Variants in TMEM229B observed in about 807,000 individuals in gnomAD.
TMEM229B encodes the protein transmembrane protein 229B.
A neutral mutation model predicts 13.7 loss-of-function variants in TMEM229B; 6 were observed. The ratio of observed to expected loss-of-function variants is 0.44; its 90% confidence interval spans 0.24 to 0.86. The LOEUF is 0.86. Among genes scored for constraint, TMEM229B ranks in the 40% least tolerant of loss-of-function variants. The probability of loss-of-function intolerance (pLI) is 0.23; values close to 1 mark genes in which losing one functional copy is unlikely to be tolerated. For missense variants in TMEM229B, 170 were observed against 236.0 expected, an observed-to-expected ratio of 0.72 and a Z score of 1.83; for synonymous variants, 107 against 102.1, an observed-to-expected ratio of 1.05 and a Z score of -0.29.
At chr14:67,492,429 T>G (rs2032206259), upstream of TMEM229B, among the ~76,000 whole-genome samples, 2 of 152,162 alleles carry the variant, frequency 1.3e-5, no homozygotes, top group South Asian at 4.1e-4. Flanking sequence ...CAGCAAGCCT[T>G]CTCCTGTCAG....
At chr14:67,506,578 T>C (rs2032834094) in intron 1 of TMEM229B, among the ~76,000 whole-genome samples, 1 of 151,962 alleles carries the variant, frequency 6.6e-6, no homozygotes, top group Non-Finnish European at 1.5e-5. Context: ...GTAAGACAGG[T>C]AGGGATGGAA....
chr14:67,479,750 T>C (rs1714022453), intron 2 of TMEM229B, among the ~76,000 whole-genome samples: 1 of 152,176 alleles, frequency 6.6e-6, no homozygotes, highest in South Asian at 2.1e-4. Context: ...GTGGAATGAA[T>C]ATGTATTCAC....
At chr14:67,488,927 G>T (rs1026989108), upstream of TMEM229B, among the ~76,000 whole-genome samples, 1 of 152,148 alleles carries the variant, frequency 6.6e-6, no homozygotes, top group Non-Finnish European at 1.5e-5. Context: ...AAACTTAGTT[G>T]CAGGGAGGAT....
chr14:67,474,351 G>T (rs1409652320), intron 2 of TMEM229B, among the ~76,000 whole-genome samples: 1 of 152,100 alleles, frequency 6.6e-6, no homozygotes, highest in Middle Eastern at 3.2e-3. Context: ...TTAGAGGGAG[G>T]TGTCTGTACT....
intron 1 of TMEM229B, among the ~76,000 whole-genome samples, chr14:67,508,265 A>C (rs1221382441): frequency 1.3e-5 from 2 of 151,048 alleles, no homozygotes; most frequent in Non-Finnish European, 3.0e-5. Flanking sequence ...TTCCCTCCCA[A>C]CTCTGACTTC....
chr14:67,516,826 G>A (rs1427607759), upstream of TMEM229B, among the ~76,000 whole-genome samples: 3 of 152,182 alleles, frequency 2.0e-5, no homozygotes, highest in Non-Finnish European at 4.4e-5. Flanking sequence ...TTCTGATTGG[G>A]GCAGAGGGAG....
intron 1 of TMEM229B, 21 bp downstream of exon 1, chr14:67,488,487 T>G (rs943357194): frequency 2.0e-5 from 3 of 152,266 alleles, no homozygotes; most frequent in Non-Finnish European, 2.9e-5. Flanking sequence ...CCTCCAACCC[T>G]CCCTGATCTG....
chr14:67,508,767 A>AAAAAAAAAAAAAAAAAAAAAAAAAAG (rs1260678496), intron 1 of TMEM229B, among the ~76,000 whole-genome samples: 2 of 150,882 alleles, frequency 1.3e-5, no homozygotes, highest in Non-Finnish European at 3.0e-5. Context: ...AAAAAAAAAA[A>AAAAAAAAAAAAAAAAAAAAAAAAAAG]AAAACAGAAG....
intron 1 of TMEM229B, among the ~76,000 whole-genome samples, chr14:67,506,562 G>A (rs117495677): frequency 0.013 from 2,046 of 152,332 alleles, 24 homozygotes; most frequent in Middle Eastern, 0.037. Flanking sequence ...AAGAGGTGAG[G>A]AAAATGTAAG....
At chr14:67,517,434 A>G (rs1294652139), upstream of TMEM229B, among the ~76,000 whole-genome samples, 1 of 152,260 alleles carries the variant, frequency 6.6e-6, no homozygotes, top group African/African-American at 2.4e-5. Flanking sequence ...GCAAAAATGT[A>G]TGAATTTCTT....
intron 1 of TMEM229B, among the ~76,000 whole-genome samples, chr14:67,508,962 T>C (rs563364999): frequency 6.6e-6 from 1 of 152,096 alleles, no homozygotes; most frequent in African/African-American, 2.4e-5. Context: ...TGAATTATAA[T>C]GATGGGCAGG....
chr14:67,507,218 G>GGGGCGCA (rs2032860300), intron 1 of TMEM229B, among the ~76,000 whole-genome samples: 1 of 151,998 alleles, frequency 6.6e-6, no homozygotes, highest in African/African-American at 2.4e-5. Context: ...AATATAGGTG[G>GGGGCGCA]TGCAACTACA....
At chr14:67,475,852 GCCACC>G (rs1394242153) in intron 2 of TMEM229B, among the ~76,000 whole-genome samples, 1 of 152,204 alleles carries the variant, frequency 6.6e-6, no homozygotes, top group Non-Finnish European at 1.5e-5. Context: ...ATTATCAGGT[GCCACC>G]CCAATGGCTT....
At chr14:67,479,257 T>C (rs2031426768) in intron 2 of TMEM229B, among the ~76,000 whole-genome samples, 1 of 150,746 alleles carries the variant, frequency 6.6e-6, no homozygotes. Flanking sequence ...AGTACAAAAA[T>C]TAGCTGGGCG....
intron 2 of TMEM229B, among the ~76,000 whole-genome samples, chr14:67,485,813 G>A (rs1169955887): frequency 2.6e-5 from 4 of 152,222 alleles, no homozygotes; most frequent in Non-Finnish European, 4.4e-5. Flanking sequence ...ACCCTACCTC[G>A]AGCTTGTCTC....
chr14:67,533,389 C>T (rs983017667), intron 1 of TMEM229B: 12 of 151,528 alleles, frequency 7.9e-5, no homozygotes, highest in Non-Finnish European at 1.5e-4. Flanking sequence ...CGGCCGCGAG[C>T]TCGCTGGAGG....
chr14:67,516,266 A>G (rs1055816012), upstream of TMEM229B, among the ~76,000 whole-genome samples: 3 of 152,132 alleles, frequency 2.0e-5, no homozygotes, highest in African/African-American at 7.2e-5. Context: ...GAAAATTTAT[A>G]ACACCCTCTG....
chr14:67,528,642 C>T (rs2033402351), intron 1 of TMEM229B, among the ~76,000 whole-genome samples: 2 of 152,184 alleles, frequency 1.3e-5, no homozygotes, highest in African/African-American at 2.4e-5. Flanking sequence ...AACTCAGGTG[C>T]TCTTTCTCCC....
intron 1 of TMEM229B, among the ~76,000 whole-genome samples, chr14:67,494,212 T>A (rs192659724): frequency 1.5e-4 from 23 of 152,316 alleles, no homozygotes; most frequent in East Asian, 1.4e-3. Flanking sequence ...AAAGGGAATG[T>A]TATCTCAGTC....
Sources: allele counts gnomAD v4.1 joint callset (sites outside exome capture counted in the v4.1 genomes callset), GRCh38; gene constraint gnomAD v4.1.1; transcripts MANE v1.5; gene names NCBI Gene and HGNC (gene_info 2026-07-23, HGNC 2026-07-21).